Variants in ULK2 observed in about 807,000 individuals in gnomAD.
ULK2 encodes the protein unc-51 like autophagy activating kinase 2, also known as serine/threonine-protein kinase ULK2.
In ULK2, 76 loss-of-function variants were observed where a neutral mutation model predicts 127.5. The observed-to-expected ratio is 0.60, with a 90% confidence interval of 0.50 to 0.72. The LOEUF is 0.72. Among genes scored for constraint, ULK2 ranks in the 30% least tolerant of loss-of-function variants. The pLI, the probability that ULK2 is intolerant of heterozygous loss-of-function variation, is 0.00. For synonymous variants in ULK2, 452 were observed against 461.9 expected, an observed-to-expected ratio of 0.98 and a Z score of 0.28; for missense variants, 1,144 against 1,295.9, an observed-to-expected ratio of 0.88 and a Z score of 1.80.
Position 19,771,480 on chromosome 17 carries a change from G to A in ULK2, c.*4869C>T, listed in dbSNP as rs1301946935. The A allele has an allele frequency of 6.6e-6, 1 of 152,248 alleles. No individual in the cohort carries two copies. Among genetic ancestry groups the A allele is most frequent in the Non-Finnish European group, 1.5e-5 (1 of 68,080 alleles). 9.4% of individuals were successfully genotyped at this position (152,248 alleles called of 1,614,324 possible). On this transcript the variant is annotated 3_prime_UTR_variant, in exon 27 of 27. Coordinates refer to ENST00000395544, the MANE Select transcript of ULK2 (RefSeq NM_014683.4). ...GTACGTGGTTGGAGAGAGCCCTGAA[G>A]ACAGGCCTTGCCCCACACAAACACA...
rs114534834 is a variant in ULK2 at position 19,771,705 on chromosome 17, A to C, written c.*4644T>G. 1 of 152,132 alleles carries C rather than the reference A, an allele frequency of 6.6e-6. No individual in the cohort carries two copies. Among genetic ancestry groups the C allele is most frequent in the Non-Finnish European group, 1.5e-5 (1 of 68,022 alleles). The allele number at this position is 152,132 out of a possible 1,614,324, so 9.4% of individuals were successfully genotyped here. A position where few individuals can be genotyped will look rare whatever the true frequency, so the allele number is the denominator to read the frequency against. Reference sequence around the variant, plus strand: ...CTTCCCCCACTGACAGATTCGGAGGAGGGGAGGAACTTGCCAAAGAACACA... The same window carrying C: ...CTTCCCCCACTGACAGATTCGGAGGCGGGGAGGAACTTGCCAAAGAACACA... On this transcript the variant is annotated 3_prime_UTR_variant, in exon 27 of 27. Coordinates refer to ENST00000395544, the MANE Select transcript of ULK2 (RefSeq NM_014683.4).
intron 23 of ULK2, among the ~76,000 whole-genome samples, chr17:19,781,641 A>G (rs980132630): frequency 1.3e-5 from 2 of 152,248 alleles, no homozygotes; most frequent in Non-Finnish European, 2.9e-5. Flanking sequence ...ATACACTCAG[A>G]TAAAAATCAA....
At chr17:19,839,150 A>G (rs1279095100) in intron 9 of ULK2, among the ~76,000 whole-genome samples, 2 of 152,192 alleles carry the variant, frequency 1.3e-5, no homozygotes, top group Non-Finnish European at 2.9e-5. Context: ...AAGGCACCTC[A>G]AAAGCCCAAT....
chr17:19,832,560 AGCTG>A, intron 10 of ULK2, among the ~76,000 whole-genome samples: 1 of 152,196 alleles, frequency 6.6e-6, no homozygotes, highest in East Asian at 1.9e-4. Context: ...CACCATGCCC[AGCTG>A]TGCTTGAACT....
At chr17:19,778,476 G>C (rs1053591581) in intron 25 of ULK2, among the ~76,000 whole-genome samples, 1 of 152,160 alleles carries the variant, frequency 6.6e-6, no homozygotes, top group Non-Finnish European at 1.5e-5. Flanking sequence ...CAGAAAGAGG[G>C]GATGGTAGCA....
intron 17 of ULK2, among the ~76,000 whole-genome samples, chr17:19,798,138 C>G (rs573961060): frequency 6.6e-6 from 1 of 152,078 alleles, no homozygotes; most frequent in Non-Finnish European, 1.5e-5. Context: ...AAAATAACTC[C>G]TTATTCAAAA....
At chr17:19,851,811 G>A (rs1004787017) in intron 3 of ULK2, among the ~76,000 whole-genome samples, 2 of 151,784 alleles carry the variant, frequency 1.3e-5, no homozygotes, top group African/African-American at 2.4e-5. Flanking sequence ...GGATTACAAC[G>A]TCAGGAGTTC....
chr17:19,789,411 G>C (rs1412102533), intron 20 of ULK2, among the ~76,000 whole-genome samples: 2 of 152,218 alleles, frequency 1.3e-5, no homozygotes, highest in Non-Finnish European at 2.9e-5. Context: ...TACCTGGAAA[G>C]TCTCCCCAAG....
chr17:19,782,870 C>T (rs988361578), intron 22 of ULK2, among the ~76,000 whole-genome samples: 2 of 151,928 alleles, frequency 1.3e-5, no homozygotes, highest in Non-Finnish European at 2.9e-5. Flanking sequence ...GAGCTGAGAT[C>T]GCACCACTGC....
intron 12 of ULK2, among the ~76,000 whole-genome samples, chr17:19,821,994 CTTT>C (rs796128705): frequency 1.4e-5 from 2 of 139,788 alleles, no homozygotes; most frequent in Non-Finnish European, 3.2e-5. Context: ...CTGACCTTAT[CTTT>C]TTTTTTTTTT....
At position 19,859,380 on chromosome 17, in the gene ULK2, G is replaced by A. The variant is rs544993161; in HGVS notation, c.225+5423C>T. Among the ~76,000 whole-genome samples, 19 of 152,172 alleles carry A rather than the reference G, an allele frequency of 1.2e-4. No homozygotes were observed. The South Asian group carries it at 1.7e-3, about 13-fold the overall frequency. On this transcript the variant is annotated intron_variant, in intron 3 of 26. Coordinates refer to ENST00000395544, the MANE Select transcript of ULK2 (RefSeq NM_014683.4). ...AATACAAAAACAAAATTATCCAGGC[G>A]TGGTGGCAGGCACCTGTAATCCCAG... is the stretch of plus-strand genomic sequence containing the variant.
chr17:19,774,777 T>C lies in ULK2; in HGVS notation c.*1572A>G, dbSNP rs931828991. ...TTGTCAGTTTTATTTTACCTTAATA[T>C]ACATTTGTACAGGCAATAATAAAAA... On this transcript the variant is annotated 3_prime_UTR_variant, in exon 27 of 27. Coordinates refer to ENST00000395544, the MANE Select transcript of ULK2 (RefSeq NM_014683.4). The C allele has an allele frequency of 6.6e-6, 1 of 152,644 alleles. No homozygotes were observed. Among genetic ancestry groups the C allele is most frequent in the African/African-American group, 2.4e-5 (1 of 41,446 alleles). 9.5% of individuals were successfully genotyped at this position (152,644 alleles called of 1,614,324 possible).
chr17:19,850,362 T>A (rs1028106164), intron 3 of ULK2, among the ~76,000 whole-genome samples: 1 of 152,194 alleles, frequency 6.6e-6, no homozygotes, highest in African/African-American at 2.4e-5. Flanking sequence ...GGAAATGAAT[T>A]GAGGGCTCTT....
At chr17:19,846,973 C>T (rs2041898971) in intron 5 of ULK2, 63 bp from the exon 6 acceptor site, 1 of 1,478,128 alleles carries the variant, frequency 6.8e-7, no homozygotes, top group Non-Finnish European at 9.1e-7. Flanking sequence ...CTGCATATTC[C>T]ATCAACAGGA....
chr17:19,785,951 G>T lies in ULK2; in HGVS notation c.2237C>A (p.Thr746Lys). 6.3e-7 allele frequency: 1 copy of T among 1,593,736 alleles called. No individual in the cohort carries two copies. The highest frequency in any genetic ancestry group is 8.5e-7 in the Non-Finnish European group (1 of 1,171,842). ...APTCTHMFLR[T>K]RTTSVGPSNS... Reference sequence around the variant, plus strand: ...ATGCTCCTTACCTGAGGTTGTTCTTGTTCGAAGGAACATGTGGGTACAAGT... The same window carrying T: ...ATGCTCCTTACCTGAGGTTGTTCTTTTTCGAAGGAACATGTGGGTACAAGT... The change falls in exon 21 of 27, where the codon ACA becomes AAA. Residue 746 changes from threonine (T) to lysine (K), a missense_variant. Thr to Lys is a moderately conservative substitution (Grantham distance 78). Around this residue, in one of 2 missense-constraint regions of ULK2, gnomAD observed 913 missense variants for 970.5 expected, o/e 0.94. Transcript: ENST00000395544.
intron 25 of ULK2, among the ~76,000 whole-genome samples, chr17:19,779,884 A>G (rs2086883643): frequency 6.6e-6 from 1 of 152,124 alleles, no homozygotes; most frequent in South Asian, 2.1e-4. Context: ...CTATAAAAAG[A>G]TTAGATCGGC....
Position 19,797,490 on chromosome 17 carries a change from C to T in ULK2, c.1715G>A (p.Gly572Glu), listed in dbSNP as rs2087297748. The change falls in exon 18 of 27, where the codon GGA (glycine) becomes GAA (glutamate). Residue 572 changes from glycine to glutamate, a missense_variant. Transcript: ENST00000395544. ...CCCCAAGTGCTTGGTGGGAGAAGTT[C>T]CAAGGCTGCCAGGCCGACTGGGCTG... Reference protein sequence around the residue: ...SPQPSRPGSLGTSPTKHLGSS... With the variant: ...SPQPSRPGSLETSPTKHLGSS... The T allele has an allele frequency of 1.2e-6, 2 of 1,613,932 alleles. No individual in the cohort carries two copies. Among genetic ancestry groups the T allele is most frequent in the Non-Finnish European group, 1.7e-6 (2 of 1,179,988 alleles).
chr17:19,797,328 T>G, intron 18 of ULK2, 68 bp downstream of exon 18: 1 of 1,457,046 alleles, frequency 6.9e-7, no homozygotes, highest in Non-Finnish European at 9.2e-7. Context: ...ATAGCTATTC[T>G]CATAATGAAT....
intron 10 of ULK2, among the ~76,000 whole-genome samples, chr17:19,832,623 A>T (rs2041487376): frequency 6.6e-6 from 1 of 152,138 alleles, no homozygotes; most frequent in Non-Finnish European, 1.5e-5. Context: ...AAAGGATGGT[A>T]ACTTACCATC....
Sources: gnomAD v4.1 joint callset for allele counts (sites outside exome capture counted in the v4.1 genomes callset) on GRCh38, gnomAD v4.1.1 for gene constraint, gnomAD v4.1.1 regional missense constraint, MANE v1.5 for transcripts, NCBI Gene and HGNC (gene_info 2026-07-23, HGNC 2026-07-21) for gene names.